Variants in CAST observed in about 807,000 individuals in gnomAD.
CAST encodes the protein calpastatin.
CAST carries 76 observed loss-of-function variants against 119.6 expected under a neutral mutation model. That is an observed-to-expected ratio of 0.64 (90% CI 0.53 to 0.77). The LOEUF (loss-of-function observed/expected upper bound fraction) is 0.77. CAST is among the 30% of genes least tolerant of loss of function. CAST has a pLI of 0.00. For missense variants in CAST, 953 were observed against 946.5 expected, an observed-to-expected ratio of 1.01 and a Z score of -0.09; for synonymous variants, 319 against 331.6, an observed-to-expected ratio of 0.96 and a Z score of 0.41.
intron 6 of CAST, among the ~76,000 whole-genome samples, chr5:96,728,128 C>T (rs1170894727): frequency 1.3e-5 from 2 of 152,192 alleles, no homozygotes; most frequent in African/African-American, 2.4e-5. Flanking sequence ...AAATGTTTCT[C>T]TTCAATAAGG....
In CAST at chr5:96,767,624, A is replaced by G; in HGVS notation, c.2175+142A>G. 4.5e-6 allele frequency: 3 copies of G among 672,170 alleles called. No homozygotes were observed. In the South Asian group the frequency reaches 5.6e-5, roughly 13 times the overall value. 41.6% of individuals were successfully genotyped at this position (672,170 alleles called of 1,614,324 possible). On this transcript the variant is annotated intron_variant, in intron 28 of 31. Transcript: ENST00000675179. ...CAAAGCATGCATATAAATGTGTGTG[A>G]CTATTGTTTACCTCTCTTTTAGTCT...
At chr5:96,044,326 G>T in the CAST span, among the ~76,000 whole-genome samples, 1 of 152,152 alleles carries the variant, frequency 6.6e-6, no homozygotes, top group Non-Finnish European at 1.5e-5. Flanking sequence ...TGGAATTAAT[G>T]TTCTTATAAG....
the CAST span, among the ~76,000 whole-genome samples, chr5:96,328,382 C>CTCTCTCTCTCTCTCTCT: frequency 1.9e-3 from 36 of 18,962 alleles, 7 homozygotes; most frequent in Non-Finnish European, 2.8e-3. Context: ...CTTCTCTCTC[C>CTCTCTCTCTCTCTCTCT]CTCTCTCTCT....
At chr5:96,765,705 G>C (rs1350482180) in intron 26 of CAST, among the ~76,000 whole-genome samples, 3 of 152,134 alleles carry the variant, frequency 2.0e-5, no homozygotes, top group African/African-American at 7.2e-5. Flanking sequence ...TTTTGTATTA[G>C]AAAAGTGAAA....
intron 1 of CAST, among the ~76,000 whole-genome samples, chr5:96,621,960 TTTTTTTCTC>T (rs1452259352): frequency 7.5e-6 from 1 of 133,506 alleles, no homozygotes; most frequent in Non-Finnish European, 1.6e-5. Context: ...TTTTTTTTTC[TTTTTTTCTC>T]TTTTTTTTTT....
At chr5:96,182,909 C>T in the CAST span, among the ~76,000 whole-genome samples, 4 of 152,012 alleles carry the variant, frequency 2.6e-5, no homozygotes, top group Admixed American at 6.6e-5. Flanking sequence ...GAGGCCGAGG[C>T]GGGCGGATCT....
At chr5:96,461,393 A>G in the CAST span, among the ~76,000 whole-genome samples, 1 of 152,108 alleles carries the variant, frequency 6.6e-6, no homozygotes, top group Non-Finnish European at 1.5e-5. Context: ...TTGTCGGATC[A>G]TATAGCACCT....
chr5:96,277,063 A>G, the CAST span, among the ~76,000 whole-genome samples: 1 of 152,158 alleles, frequency 6.6e-6, no homozygotes, highest in African/African-American at 2.4e-5. Context: ...TAAATAAACT[A>G]CCATTTATTC....
chr5:96,560,509 A>G (rs573013808), intron 1 of CAST, among the ~76,000 whole-genome samples: 2 of 152,354 alleles, frequency 1.3e-5, no homozygotes, highest in South Asian at 4.1e-4. Context: ...CAAATTTACA[A>G]GAAAAAACAA....
At chr5:96,669,616 A>G (rs766092586) in intron 1 of CAST, among the ~76,000 whole-genome samples, 3 of 152,262 alleles carry the variant, frequency 2.0e-5, no homozygotes, top group Non-Finnish European at 2.9e-5. Flanking sequence ...ATATGAAAAT[A>G]TGATACTCCA....
At chr5:96,195,257 TG>T in the CAST span, among the ~76,000 whole-genome samples, 108 of 152,296 alleles carry the variant, frequency 7.1e-4, no homozygotes, top group African/African-American at 2.6e-3. Context: ...ATTAGGAATG[TG>T]GATGGAGTGA....
chr5:96,560,603 G>C (rs1434798736), intron 1 of CAST, among the ~76,000 whole-genome samples: 1 of 152,194 alleles, frequency 6.6e-6, no homozygotes, highest in African/African-American at 2.4e-5. Context: ...ATGAAAAATT[G>C]CTCATCATTA....
chr5:96,771,522 G>T, intron 30 of CAST, 122 bp from the exon 31 acceptor site: 1 of 652,716 alleles, frequency 1.5e-6, no homozygotes, highest in South Asian at 2.2e-5. Flanking sequence ...AAGAGAAACT[G>T]AAAGGACCAT....
intron 1 of CAST, among the ~76,000 whole-genome samples, chr5:96,612,101 C>T (rs946795109): frequency 1.3e-5 from 2 of 152,066 alleles, no homozygotes; most frequent in South Asian, 2.1e-4. Context: ...TGTGTCTATC[C>T]GAAGGAAAAG....
chr5:96,375,955 AT>A, the CAST span, among the ~76,000 whole-genome samples: 1 of 148,324 alleles, frequency 6.7e-6, no homozygotes, highest in African/African-American at 2.4e-5. Flanking sequence ...ATATATATAT[AT>A]ATCTCCTATT....
chr5:96,132,783 A>G, the CAST span, among the ~76,000 whole-genome samples: 3 of 152,212 alleles, frequency 2.0e-5, no homozygotes, highest in Admixed American at 1.3e-4. Flanking sequence ...TGGTTAACAC[A>G]GTCTTGCAAA....
the CAST span, among the ~76,000 whole-genome samples, chr5:96,117,265 A>G: frequency 1.3e-5 from 2 of 152,144 alleles, no homozygotes; most frequent in African/African-American, 4.8e-5. Context: ...ATAGTTTCTT[A>G]TATTTAGGTC....
chr5:96,175,599 C>T, the CAST span, among the ~76,000 whole-genome samples: 1 of 152,150 alleles, frequency 6.6e-6, no homozygotes. Flanking sequence ...ATTGGGGTAA[C>T]TTTACACAAC....
chr5:96,664,442 T>A (rs779047170), intron 1 of CAST, among the ~76,000 whole-genome samples: 18 of 152,010 alleles, frequency 1.2e-4, no homozygotes, highest in Non-Finnish European at 2.6e-4. Context: ...TACAATATAC[T>A]GTACAGGGTC....
Sources: allele counts gnomAD v4.1 joint callset (sites outside exome capture counted in the v4.1 genomes callset), GRCh38; gene constraint gnomAD v4.1.1; transcripts MANE v1.5; gene names NCBI Gene and HGNC (gene_info 2026-07-23, HGNC 2026-07-21).